Variants in CFAP161 observed in about 807,000 individuals in gnomAD.
CFAP161 encodes cilia and flagella associated protein 161.
Under a neutral mutation model 29.0 loss-of-function variants are expected in CFAP161, and 25 were observed. The observed-to-expected ratio is 0.86, with a 90% CI of 0.63 to 1.20. The LOEUF is 1.20. Ranked by LOEUF, CFAP161 falls within the 50% of genes most tolerant of loss-of-function variation. The pLI is 0.00. For missense variants in CFAP161, 367 were observed against 371.9 expected (o/e 0.99, Z 0.11); for synonymous variants, 116 against 137.4 (o/e 0.84, Z 1.09).
chr15:81,138,012 A>T (rs548981026), intron 3 of CFAP161, 39 bp from the exon 4 acceptor site: 1 of 1,438,554 alleles, frequency 7.0e-7, no homozygotes, highest in African/African-American at 1.4e-5. Context: ...TCTAATACAG[A>T]GAGTTTACAT....
rs746541540 is a variant in CFAP161, at chr15:81,148,405, C to G, written c.778C>G (p.Pro260Ala). ...CCTGGATTCACATAGAGTTGAGAAA[C>G]CAAGGAACCACTGGATGTTGGTTAC... ...TYLDSHRVEK[P>A]RNHWMLVTGN... Residue 260 changes from proline (P) to alanine (A), a missense_variant, in exon 7 of 7, where the codon CCA (proline) becomes GCA (alanine). Transcript: ENST00000286732. 1 of 1,614,172 alleles carries G rather than the reference C, an allele frequency of 6.2e-7. No homozygotes were observed. Among genetic ancestry groups the G allele is most frequent in the Non-Finnish European group, 8.5e-7 (1 of 1,180,020 alleles).
chr15:81,135,043 G>T (rs1894784725), intron 1 of CFAP161, among the ~76,000 whole-genome samples: 3 of 152,126 alleles, frequency 2.0e-5, no homozygotes, highest in Admixed American at 2.0e-4. Flanking sequence ...GTAATTACTG[G>T]TGATGTTTCT....
chr15:81,145,661 A>G (rs566671301), intron 5 of CFAP161, among the ~76,000 whole-genome samples: 45 of 152,332 alleles, frequency 3.0e-4, no homozygotes, highest in Non-Finnish European at 4.7e-4. Context: ...ACACATCTGT[A>G]AATGGGAAAC....
intron 2 of CFAP161, among the ~76,000 whole-genome samples, chr15:81,128,168 A>G (rs1398594801): frequency 6.6e-6 from 1 of 152,138 alleles, no homozygotes; most frequent in Non-Finnish European, 1.5e-5. Context: ...CCCTCTCTTT[A>G]TGGTCTTTCC....
At chr15:81,105,446 C>A (rs1422641942) in intron 1 of CFAP161, among the ~76,000 whole-genome samples, 1 of 149,678 alleles carries the variant, frequency 6.7e-6, no homozygotes, top group African/African-American at 2.5e-5. Context: ...GAGACGGGGT[C>A]TCACTGTGTC....
At chr15:81,109,795 A>G (rs182942324) in intron 1 of CFAP161, among the ~76,000 whole-genome samples, 2 of 152,316 alleles carry the variant, frequency 1.3e-5, no homozygotes, top group East Asian at 1.9e-4. Context: ...TCAGGGCATA[A>G]AGAAGATAAT....
intron 1 of CFAP161, among the ~76,000 whole-genome samples, chr15:81,118,995 T>G (rs1254596613): frequency 6.6e-6 from 1 of 152,240 alleles, no homozygotes; most frequent in Non-Finnish European, 1.5e-5. Flanking sequence ...TTTTATCAAT[T>G]GCTTAGTTTC....
intron 1 of CFAP161, among the ~76,000 whole-genome samples, chr15:81,125,050 A>G (rs909282555): frequency 6.6e-6 from 1 of 151,696 alleles, no homozygotes; most frequent in Non-Finnish European, 1.5e-5. Context: ...TATTTATTTA[A>G]CATAACATAA....
chr15:81,103,309 T>A (rs963414961), intron 1 of CFAP161, among the ~76,000 whole-genome samples: 2 of 152,210 alleles, frequency 1.3e-5, no homozygotes, highest in East Asian at 3.9e-4. Context: ...GCTGGATGTG[T>A]TTGGCCTCAG....
chr15:81,133,227 A>AT (rs111496841), upstream of CFAP161, among the ~76,000 whole-genome samples: 2,019 of 50,272 alleles, frequency 0.04, 207 homozygotes, highest in African/African-American at 0.14. Flanking sequence ...ATATATATGT[A>AT]TTTTTTTTTA....
At chr15:81,110,740 G>T (rs192586953) in intron 1 of CFAP161, among the ~76,000 whole-genome samples, 1 of 152,200 alleles carries the variant, frequency 6.6e-6, no homozygotes, top group Non-Finnish European at 1.5e-5. Context: ...TTCGGTGGAA[G>T]GGGACTGGAG....
At chr15:81,136,468 GTTGAGGAA>G in intron 2 of CFAP161, 40 bp from the exon 3 acceptor site, 1 of 1,553,748 alleles carries the variant, frequency 6.4e-7, no homozygotes, top group East Asian at 2.2e-5. Flanking sequence ...GGCAGTAACT[GTTGAGGAA>G]TTGCATGGTT....
At position 81,148,549 on chromosome 15, in the gene CFAP161, C is replaced by A. The variant is rs766544311; in HGVS notation, c.*16C>A. On this transcript the variant is annotated 3_prime_UTR_variant, in exon 7 of 7. Transcript: ENST00000286732. Reference sequence around the variant, plus strand: ...CACGCAGTAACACGCCAGGCACGTGCATGTTTTCCCTGGTCCCGCTCTCAT... The same window carrying A: ...CACGCAGTAACACGCCAGGCACGTGAATGTTTTCCCTGGTCCCGCTCTCAT... The A allele has an allele frequency of 1.3e-5, 21 of 1,602,312 alleles. No homozygotes were observed. Among genetic ancestry groups the A allele is most frequent in the Middle Eastern group, 1.7e-4 (1 of 5,846 alleles).
rs534976401 is a variant in CFAP161 at position 81,134,466 on chromosome 15, C to T, written c.69+68C>T. 1.2e-5 allele frequency: 18 copies of T among 1,493,736 alleles called. No homozygotes were observed. In the South Asian group the frequency reaches 2.1e-4, roughly 17 times the overall value. The allele number at this position is 1,493,736 out of a possible 1,614,324, so 92.5% of individuals were successfully genotyped here. ...TCCCAGACCCTGCTCTAAGTTCAGT[C>T]TCCTACTTTGAGCGCCTCAAGCCTC... On this transcript the variant is annotated intron_variant, in intron 1 of 6. Transcript: ENST00000286732.
At chr15:81,103,414 G>T (rs1452587737) in intron 1 of CFAP161, among the ~76,000 whole-genome samples, 1 of 152,064 alleles carries the variant, frequency 6.6e-6, no homozygotes, top group African/African-American at 2.4e-5. Flanking sequence ...CCTCCCCAGG[G>T]AGGATCCCAC....
chr15:81,121,708 A>AT (rs969168324), intron 1 of CFAP161, among the ~76,000 whole-genome samples: 11 of 151,926 alleles, frequency 7.2e-5, no homozygotes, highest in Non-Finnish European at 1.3e-4. Context: ...CCCATAACAT[A>AT]TTTTTTTTAA....
At chr15:81,143,061 C>T (rs1894939687) in intron 4 of CFAP161, among the ~76,000 whole-genome samples, 1 of 152,112 alleles carries the variant, frequency 6.6e-6, no homozygotes, top group Non-Finnish European at 1.5e-5. Flanking sequence ...ACCTATAAAC[C>T]CAGCACTTTG....
intron 1 of CFAP161, among the ~76,000 whole-genome samples, chr15:81,120,421 A>G (rs1023442111): frequency 6.6e-6 from 1 of 152,222 alleles, no homozygotes; most frequent in African/African-American, 2.4e-5. Flanking sequence ...CTAGACCTCC[A>G]AAATAAAATG....
chr15:81,117,580 C>A, intron 1 of CFAP161: 1 of 160,230 alleles, frequency 6.2e-6, no homozygotes. Flanking sequence ...CTACCAAATC[C>A]ATGAATAGTC....
Sources: gnomAD v4.1 joint callset for allele counts (sites outside exome capture counted in the v4.1 genomes callset) on GRCh38, gnomAD v4.1.1 for gene constraint, MANE v1.5 for transcripts, NCBI Gene and HGNC (gene_info 2026-07-23, HGNC 2026-07-21) for gene names.